The following CCPG1 variants were observed in gnomAD, a reference collection of about 807,000 sequenced individuals.
The protein encoded by CCPG1 is cell cycle progression 1.
A neutral mutation model predicts 81.3 loss-of-function variants in CCPG1; 46 were observed. That is an observed-to-expected ratio of 0.57 (90% CI 0.45 to 0.72). CCPG1 has a LOEUF of 0.72. Ranked by LOEUF, CCPG1 falls within the 30% of genes least tolerant of loss-of-function variation. The pLI, the probability that CCPG1 is intolerant of heterozygous loss-of-function variation, is 0.00. For missense variants in CCPG1, 902 were observed against 937.6 expected (o/e 0.96, Z 0.50); for synonymous variants, 330 against 305.2 (o/e 1.08, Z -0.85).
intron 7 of CCPG1, among the ~76,000 whole-genome samples, chr15:55,364,737 G>A (rs1196041946): frequency 1.3e-5 from 2 of 150,544 alleles, no homozygotes; most frequent in Non-Finnish European, 3.0e-5. Flanking sequence ...GCCGGGCATA[G>A]AGGTGCACAC....
chr15:55,403,734 G>A (rs2057167417), intron 1 of CCPG1, among the ~76,000 whole-genome samples: 1 of 152,150 alleles, frequency 6.6e-6, no homozygotes, highest in Admixed American at 6.5e-5. Flanking sequence ...TTGTGAAAAT[G>A]TAATCCTTTA....
intron 6 of CCPG1, among the ~76,000 whole-genome samples, chr15:55,367,688 A>G (rs2056360154): frequency 6.6e-6 from 1 of 152,052 alleles, no homozygotes; most frequent in African/African-American, 2.4e-5. Flanking sequence ...AAATTTGGGT[A>G]AAACCAAACC....
intron 6 of CCPG1, among the ~76,000 whole-genome samples, chr15:55,367,442 T>C (rs2141258258): frequency 6.6e-6 from 1 of 152,304 alleles, no homozygotes; most frequent in South Asian, 2.1e-4. Context: ...AGTCTTATCC[T>C]CAAGATACAA....
intron 5 of CCPG1, among the ~76,000 whole-genome samples, chr15:55,375,449 AT>A (rs1297926609): frequency 2.0e-5 from 3 of 152,134 alleles, no homozygotes; most frequent in African/African-American, 7.2e-5. Context: ...GTTTAAAAAA[AT>A]AATAATAAAA....
Position 55,360,172 on chromosome 15 carries a change from C to G in CCPG1, c.1601G>C (p.Arg534Thr). The change falls in exon 8 of 9, where the codon AGA (arginine) becomes ACA (threonine). Residue 534 changes from arginine to threonine, a missense_variant. Arg to Thr is a moderately conservative substitution (Grantham distance 71). Transcript: ENST00000442196. ...ATTCTTGGTGGTATCTTTAAAGTGT[C>G]TGAAAGTGGATTTAACTGAATCTGA... ...KFSDSVKSTF[R>T]HFKDTTKNIF... is the part of the protein sequence containing the mutation. 6.2e-7 allele frequency: 1 copy of G among 1,613,374 alleles called. No individual in the cohort carries two copies. Among genetic ancestry groups the G allele is most frequent in the East Asian group, 2.2e-5 (1 of 44,860 alleles).
Position 55,360,504 on chromosome 15 carries a change from T to C in CCPG1, c.1269A>G (p.Glu423=). ...TGAGTCTTTCCCGTAAGATTGCTAT[T>C]TCCTTTTTTTCAGTATATACATTGG... ...DSPNVYTEKK[E]IAILRERLTE... The change falls in exon 8 of 9, where the codon GAA becomes GAG. Residue 423 remains glutamate, a synonymous_variant. Coordinates refer to ENST00000442196, the MANE Select transcript of CCPG1 (RefSeq NM_001204450.2). 1 of 1,614,164 alleles carries C rather than the reference T, an allele frequency of 6.2e-7. No individual in the cohort carries two copies. The highest frequency in any genetic ancestry group is 8.5e-7 in the Non-Finnish European group (1 of 1,180,032).
At chr15:55,393,864 T>C (rs2056969157) in intron 1 of CCPG1, among the ~76,000 whole-genome samples, 1 of 152,186 alleles carries the variant, frequency 6.6e-6, no homozygotes, top group East Asian at 1.9e-4. Context: ...AAGTAACCAA[T>C]GGAAGCCTCT....
intron 1 of CCPG1, among the ~76,000 whole-genome samples, chr15:55,390,798 T>C (rs374891037): frequency 6.6e-6 from 1 of 152,182 alleles, no homozygotes; most frequent in Non-Finnish European, 1.5e-5. Context: ...AGTATAAAAA[T>C]TAACATGTTT....
At position 55,372,033 on chromosome 15, in the gene CCPG1, G is replaced by C. The variant is rs1207462640; in HGVS notation, c.466C>G (p.Gln156Glu). The change falls in exon 6 of 9, where the codon CAG becomes GAG. Residue 156 changes from glutamine (Q) to glutamate (E), a missense_variant. By Grantham distance (29) the Gln-to-Glu change is conservative. Coordinates refer to ENST00000442196, the MANE Select transcript of CCPG1 (RefSeq NM_001204450.2). Reference sequence around the variant, plus strand: ...CTACTTGATTCATCGTCACTAGGCTGAGATGAAAATACTATTAAGAAAAAA... The same window carrying C: ...CTACTTGATTCATCGTCACTAGGCTCAGATGAAAATACTATTAAGAAAAAA... ...FCQPETVFSS[Q>E]PSDDESSSDE... is the part of the protein sequence containing the mutation. The C allele has an allele frequency of 6.8e-6, 11 of 1,612,666 alleles. No individual in the cohort carries two copies. In the Admixed American group the frequency reaches 1.8e-4, roughly 27 times the overall value.
At chr15:55,389,578 A>C in intron 1 of CCPG1, 145 bp from the exon 2 acceptor site, 1 of 652,002 alleles carries the variant, frequency 1.5e-6, no homozygotes, top group Admixed American at 2.5e-5. Context: ...ACCATACAGA[A>C]CATGACAGGA....
intron 8 of CCPG1, chr15:55,357,010 G>A (rs559001686): frequency 1.0e-6 from 1 of 985,276 alleles, no homozygotes; most frequent in Non-Finnish European, 1.2e-6. Context: ...GATTTTCAAG[G>A]TACCACTCCC....
chr15:55,405,961 T>G (rs2057210849), intron 1 of CCPG1, among the ~76,000 whole-genome samples: 1 of 152,096 alleles, frequency 6.6e-6, no homozygotes, highest in African/African-American at 2.4e-5. Context: ...GCCTCCCGGG[T>G]TCAAGCGATT....
In CCPG1 at chr15:55,378,284, TA is replaced by T. The variant is rs1223037342; in HGVS notation, c.252+15del. 2 of 1,529,404 alleles carry T rather than the reference TA, an allele frequency of 1.3e-6. No individual in the cohort carries two copies. Among genetic ancestry groups the T allele is most frequent in the Non-Finnish European group, 1.8e-6 (2 of 1,105,284 alleles). The allele number at this position is 1,529,404 out of a possible 1,614,324, so 94.7% of individuals were successfully genotyped here. On this transcript the variant is annotated intron_variant, in intron 4 of 8. Coordinates refer to ENST00000442196, the MANE Select transcript of CCPG1 (RefSeq NM_001204450.2). The stretch of plus-strand genomic sequence containing the variant: ...TACTATTTAACATATATCCACAGTG[TA>T]AAATACAAGTTTACCTCAATTGTTG...
At chr15:55,395,773 T>C (rs560913239) in intron 1 of CCPG1, among the ~76,000 whole-genome samples, 16 of 152,246 alleles carry the variant, frequency 1.1e-4, no homozygotes, top group South Asian at 1.0e-3. Context: ...CCAACACATA[T>C]TGAATGAATG....
chr15:55,404,300 T>A (rs1209650032), intron 1 of CCPG1, among the ~76,000 whole-genome samples: 2 of 152,138 alleles, frequency 1.3e-5, no homozygotes, highest in East Asian at 3.8e-4. Context: ...GGACACTTGG[T>A]GTTAAGGTAA....
At chr15:55,408,150 G>C (rs8029258) in intron 1 of CCPG1, 71 bp downstream of exon 1, 27,051 of 152,510 alleles carry the variant, frequency 0.18, 4,160 homozygotes, top group African/African-American at 0.42. Context: ...ACTGAGCCGA[G>C]CGTGTCGGCC....
At chr15:55,373,203 T>C (rs1011855348) in intron 5 of CCPG1, among the ~76,000 whole-genome samples, 2 of 152,208 alleles carry the variant, frequency 1.3e-5, no homozygotes, top group Non-Finnish European at 2.9e-5. Flanking sequence ...ACACTGTTTC[T>C]TATGTCAACA....
At chr15:55,382,162 G>C (rs1274594756) in intron 3 of CCPG1, among the ~76,000 whole-genome samples, 4 of 152,116 alleles carry the variant, frequency 2.6e-5, no homozygotes, top group African/African-American at 9.7e-5. Flanking sequence ...AGTAGCTGGG[G>C]CAATTTCTTG....
chr15:55,365,320 T>A lies in CCPG1; in HGVS notation c.707-11A>T. The A allele has an allele frequency of 1.4e-6, 2 of 1,476,890 alleles. No homozygotes were observed. The highest frequency in any genetic ancestry group is 1.9e-6 in the Non-Finnish European group (2 of 1,079,214). 91.5% of individuals were successfully genotyped at this position (1,476,890 alleles called of 1,614,324 possible). A position where few individuals can be genotyped will look rare whatever the true frequency, so the allele number is the denominator to read the frequency against. On this transcript the variant is annotated splice_polypyrimidine_tract_variant and intron_variant, in intron 6 of 8. Coordinates refer to ENST00000442196, the MANE Select transcript of CCPG1 (RefSeq NM_001204450.2). ...GAATCTGAATTGTGCCTAAAATAAA[T>A]ATTTTTATTAAAGGTATGTAACAAA...
Sources: gnomAD v4.1 joint callset for allele counts (sites outside exome capture counted in the v4.1 genomes callset) on GRCh38, gnomAD v4.1.1 for gene constraint, MANE v1.5 for transcripts, NCBI Gene and HGNC (gene_info 2026-07-23, HGNC 2026-07-21) for gene names.